NECAB1: variants seen among roughly 807,000 people sequenced by gnomAD.
The protein encoded by NECAB1 is N-terminal EF-hand calcium-binding protein 1.
A neutral mutation model predicts 57.5 loss-of-function variants in NECAB1; 29 were observed. The observed-to-expected ratio is 0.50, with a 90% CI of 0.38 to 0.69. The LOEUF (loss-of-function observed/expected upper bound fraction) is 0.69, where lower values mean the gene tolerates loss of function less well. Among genes scored for constraint, NECAB1 ranks in the 30% least tolerant of loss-of-function variants. NECAB1 has a pLI of 0.00. For synonymous variants in NECAB1, 142 were observed against 147.7 expected, an observed-to-expected ratio of 0.96 and a Z score of 0.28; for missense variants, 372 against 413.8, an observed-to-expected ratio of 0.90 and a Z score of 0.88.
rs34105450 is a variant in NECAB1, at chr8:90,901,235, TA to T, written c.358-16241del. Among the ~76,000 whole-genome samples the T allele has an allele frequency of 4.2e-3, 603 of 144,726 alleles. 2 individuals carry two copies. Among genetic ancestry groups the T allele is most frequent in the South Asian group, 6.0e-3 (27 of 4,520 alleles). 94.9% of individuals were successfully genotyped at this position (144,726 alleles called of 152,430 possible). Reference sequence around the variant, plus strand: ...GCTGATATGATTTAAGTCTCTCTGTTAAAAAAAAAAAAAAAATGGTGTTTAT... The same window carrying T: ...GCTGATATGATTTAAGTCTCTCTGTTAAAAAAAAAAAAAAATGGTGTTTAT... On this transcript the variant is annotated intron_variant, in intron 5 of 12. Coordinates refer to ENST00000417640, the MANE Select transcript of NECAB1 (RefSeq NM_022351.5).
At chr8:90,834,494 T>C (rs1423398515) in intron 3 of NECAB1, among the ~76,000 whole-genome samples, 1 of 152,120 alleles carries the variant, frequency 6.6e-6, no homozygotes, top group Non-Finnish European at 1.5e-5. Context: ...TATGTAAGGA[T>C]ACATAGAAAG....
intron 3 of NECAB1, among the ~76,000 whole-genome samples, chr8:90,849,870 G>A (rs937738): frequency 3.3e-5 from 5 of 151,544 alleles, no homozygotes; most frequent in Non-Finnish European, 7.4e-5. Context: ...CGGCCATAGT[G>A]GATCATTGTG....
intron 3 of NECAB1, among the ~76,000 whole-genome samples, chr8:90,868,051 G>C (rs955084379): frequency 1.8e-4 from 27 of 150,870 alleles, no homozygotes; most frequent in Admixed American, 2.0e-4. Context: ...CTGGTTGTTT[G>C]AAATTGTGTA....
intron 1 of NECAB1, among the ~76,000 whole-genome samples, chr8:90,800,159 T>C (rs1248996572): frequency 4.6e-5 from 7 of 152,228 alleles, no homozygotes; most frequent in Admixed American, 1.3e-4. Context: ...TTATTTTATA[T>C]CCTGAAACTT....
chr8:90,858,611 T>G (rs1261483998), intron 3 of NECAB1, among the ~76,000 whole-genome samples: 2 of 149,046 alleles, frequency 1.3e-5, no homozygotes, highest in African/African-American at 2.5e-5. Context: ...GAAAAAAAAA[T>G]TCACAATTTG....
intron 3 of NECAB1, among the ~76,000 whole-genome samples, chr8:90,861,823 C>G (rs1808392245): frequency 6.6e-6 from 1 of 152,158 alleles, no homozygotes; most frequent in South Asian, 2.1e-4. Context: ...AGAGCCAGGG[C>G]AAACCCAGAT....
chr8:90,923,516 T>C (rs1309106907), intron 6 of NECAB1, among the ~76,000 whole-genome samples: 1 of 152,222 alleles, frequency 6.6e-6, no homozygotes. Context: ...AGACTGCAAG[T>C]TGGCAATCCC....
chr8:90,869,043 C>T (rs756447105), intron 3 of NECAB1, among the ~76,000 whole-genome samples: 7 of 152,148 alleles, frequency 4.6e-5, no homozygotes, highest in South Asian at 2.1e-4. Context: ...GCTCCAGCCA[C>T]GGCTAAAAGG....
intron 5 of NECAB1, among the ~76,000 whole-genome samples, chr8:90,915,846 CTTG>C (rs1406282293): frequency 2.6e-5 from 4 of 152,190 alleles, no homozygotes; most frequent in African/African-American, 9.6e-5. Flanking sequence ...AGCCAAAGAA[CTTG>C]GAGTCTGATA....
chr8:90,934,227 C>G (rs899470105), intron 8 of NECAB1, 77 bp from the exon 9 acceptor site: 92 of 1,008,596 alleles, frequency 9.1e-5, no homozygotes, highest in Non-Finnish European at 1.3e-4. Context: ...CATGAGAGAA[C>G]TATGATTTGA....
At position 90,853,225 on chromosome 8, in the gene NECAB1, G is replaced by A. The variant is rs112012537; in HGVS notation, c.234-18903G>A. ...GAGTGAGTGGAGGTAACTCCTGCCA[G>A]TGCAGAAGCAGCCAGCTGGTTCCAG... On this transcript the variant is annotated intron_variant, in intron 3 of 12. Coordinates refer to ENST00000417640, the MANE Select transcript of NECAB1 (RefSeq NM_022351.5). Among the ~76,000 whole-genome samples the A allele has an allele frequency of 2.6e-4, 40 of 152,352 alleles. 1 individual carries two copies. Among genetic ancestry groups the A allele is most frequent in the African/African-American group, 9.4e-4 (39 of 41,592 alleles).
intron 12 of NECAB1, among the ~76,000 whole-genome samples, chr8:90,954,180 A>T (rs2130282573): frequency 6.6e-6 from 1 of 152,172 alleles, no homozygotes; most frequent in South Asian, 2.1e-4. Context: ...ACATTTAAAA[A>T]TGCAGTATGA....
intron 12 of NECAB1, among the ~76,000 whole-genome samples, chr8:90,954,872 T>A (rs1810991892): frequency 6.7e-6 from 1 of 148,156 alleles, no homozygotes; most frequent in Non-Finnish European, 1.5e-5. Flanking sequence ...TACATATGCA[T>A]ATATGTATAT....
intron 4 of NECAB1, among the ~76,000 whole-genome samples, chr8:90,873,658 G>A (rs890544201): frequency 6.6e-6 from 1 of 152,072 alleles, no homozygotes; most frequent in East Asian, 1.9e-4. Context: ...CTTTGCCTGG[G>A]TAGGCCACAG....
In NECAB1 at chr8:90,937,254, G is replaced by T. The variant is rs1810559886; in HGVS notation, c.747+2897G>T. Among the ~76,000 whole-genome samples, 3 of 152,152 alleles carry T rather than the reference G, an allele frequency of 2.0e-5. No individual in the cohort carries two copies. In the South Asian group the frequency reaches 6.2e-4, roughly 32 times the overall value. ...AACTTGATCACCAACTATGTTCCAG[G>T]CCTGGAGATAGGGTCTGGAAATAAA... On this transcript the variant is annotated intron_variant, in intron 9 of 12. Coordinates refer to ENST00000417640, the MANE Select transcript of NECAB1 (RefSeq NM_022351.5).
chr8:90,796,968 A>C (rs1457563003), intron 1 of NECAB1, among the ~76,000 whole-genome samples: 1 of 152,250 alleles, frequency 6.6e-6, no homozygotes, highest in Non-Finnish European at 1.5e-5. Flanking sequence ...GTGTGTGATT[A>C]TTCTATTCTA....
At chr8:90,852,028 G>T (rs1812693117) in intron 3 of NECAB1, among the ~76,000 whole-genome samples, 1 of 151,836 alleles carries the variant, frequency 6.6e-6, no homozygotes, top group South Asian at 2.1e-4. Flanking sequence ...GAGTTAAAAT[G>T]AATCAATATA....
Position 90,947,306 on chromosome 8 carries a change from ACACACACAC to A in NECAB1, c.861-2500_861-2492del, listed in dbSNP as rs1563545956. 2.8e-3 allele frequency among the ~76,000 whole-genome samples: 264 copies of A among 95,610 alleles called. 6 individuals carry two copies. Among genetic ancestry groups the A allele is most frequent in the African/African-American group, 9.0e-3 (239 of 26,664 alleles). The allele number at this position is 95,610 out of a possible 152,430, so 62.7% of individuals were successfully genotyped here. A position where few individuals can be genotyped will look rare whatever the true frequency, so the allele number is the denominator to read the frequency against. The stretch of plus-strand genomic sequence containing the variant: ...TAGCTATTGGGCTAACAACACATAC[ACACACACAC>A]ACACACACACACACACACACACACA... On this transcript the variant is annotated intron_variant, in intron 10 of 12. Coordinates refer to ENST00000417640, the MANE Select transcript of NECAB1 (RefSeq NM_022351.5).
rs1199281772 is a variant in NECAB1 at position 90,879,104 on chromosome 8, GTATCTATATATAGA to G, written c.260-1916_260-1903del. Among the ~76,000 whole-genome samples the G allele has an allele frequency of 3.0e-5, 4 of 132,852 alleles. No individual in the cohort carries two copies. In the South Asian group the frequency reaches 6.8e-4, roughly 23 times the overall value. The allele number at this position is 132,852 out of a possible 152,430, so 87.2% of individuals were successfully genotyped here. A position where few individuals can be genotyped will look rare whatever the true frequency, so the allele number is the denominator to read the frequency against. ...TATATATATTATATATATAATATAG[GTATCTATATATAGA>G]TATCTATATATAATATATATATATC... On this transcript the variant is annotated intron_variant, in intron 4 of 12. Coordinates refer to ENST00000417640, the MANE Select transcript of NECAB1 (RefSeq NM_022351.5).
Sources: allele counts gnomAD v4.1 joint callset (sites outside exome capture counted in the v4.1 genomes callset), GRCh38; gene constraint gnomAD v4.1.1; transcripts MANE v1.5; gene names NCBI Gene and HGNC (gene_info 2026-07-23, HGNC 2026-07-21).